ANTXR2: variants seen among roughly 807,000 people sequenced by gnomAD.
ANTXR2 encodes the protein ANTXR cell adhesion molecule 2.
ANTXR2 carries 44 observed loss-of-function variants against 73.7 expected under a neutral mutation model. The observed-to-expected ratio is 0.60, with a 90% confidence interval of 0.47 to 0.77. ANTXR2 has a LOEUF of 0.77. Among genes scored for constraint, ANTXR2 ranks in the 30% least tolerant of loss-of-function variants. The probability of loss-of-function intolerance (pLI) is 0.00; values close to 1 mark genes in which losing one functional copy is unlikely to be tolerated. For synonymous variants in ANTXR2, 217 were observed against 205.9 expected, an observed-to-expected ratio of 1.05 and a Z score of -0.46; for missense variants, 604 against 592.5, an observed-to-expected ratio of 1.02 and a Z score of -0.20.
chr4:80,018,796 T>C (rs1427965706), intron 11 of ANTXR2, 102 bp downstream of exon 11: 2 of 953,026 alleles, frequency 2.1e-6, no homozygotes, highest in East Asian at 3.2e-5. Context: ...TGTTATTGTT[T>C]GCATCTCCTT....
At chr4:80,028,548 T>C (rs1478344415) in intron 10 of ANTXR2, among the ~76,000 whole-genome samples, 1 of 152,182 alleles carries the variant, frequency 6.6e-6, no homozygotes, top group Non-Finnish European at 1.5e-5. Context: ...TTTGAGGCTC[T>C]CTGTCTAGGG....
intron 3 of ANTXR2, among the ~76,000 whole-genome samples, chr4:80,067,712 A>G (rs1734572723): frequency 1.3e-5 from 2 of 152,192 alleles, no homozygotes; most frequent in Admixed American, 6.5e-5. Flanking sequence ...CACACAAGAA[A>G]GTAAGGAGGG....
At chr4:80,049,091 T>C (rs1733653555) in intron 7 of ANTXR2, among the ~76,000 whole-genome samples, 1 of 150,448 alleles carries the variant, frequency 6.6e-6, no homozygotes. Flanking sequence ...ACAACTGATT[T>C]ATTTCTTTCT....
At chr4:80,007,783 T>G (rs1186889858) in intron 12 of ANTXR2, among the ~76,000 whole-genome samples, 1 of 152,198 alleles carries the variant, frequency 6.6e-6, no homozygotes, top group Non-Finnish European at 1.5e-5. Context: ...GAATGGCTTC[T>G]TCCTTAGAGC....
rs559655328 is a variant in ANTXR2, at chr4:79,945,887, A to T, written c.1428+31734T>A. On this transcript the variant is annotated intron_variant, in intron 16 of 16. Transcript: ENST00000403729. ...GAATAATGGTCCTAAATTTTTTTTTAAAAAAGCTGAAAGCAGAGAAAGTAA... is the reference window on the plus strand; with the variant it reads ...GAATAATGGTCCTAAATTTTTTTTTTAAAAAGCTGAAAGCAGAGAAAGTAA... 6.6e-5 allele frequency among the ~76,000 whole-genome samples: 10 copies of T among 152,178 alleles called. No homozygotes were observed. In the East Asian group the frequency reaches 1.2e-3, roughly 18 times the overall value.
intron 7 of ANTXR2, among the ~76,000 whole-genome samples, chr4:80,044,435 T>G (rs1733420642): frequency 6.6e-6 from 1 of 151,992 alleles, no homozygotes; most frequent in South Asian, 2.1e-4. Flanking sequence ...GGCCTTTTCT[T>G]CTGGTATTTA....
chr4:79,910,220 C>CAT (rs1727068869), intron 16 of ANTXR2, among the ~76,000 whole-genome samples: 1 of 152,204 alleles, frequency 6.6e-6, no homozygotes, highest in Admixed American at 6.5e-5. Context: ...AATAAAAACA[C>CAT]ATATTGTTGG....
chr4:79,927,243 C>G (rs920226823), intron 16 of ANTXR2, among the ~76,000 whole-genome samples: 1 of 151,304 alleles, frequency 6.6e-6, no homozygotes, highest in Non-Finnish European at 1.5e-5. Flanking sequence ...TACAAAAATA[C>G]TGTATCATAT....
At chr4:79,920,757 G>C (rs1038418142) in intron 16 of ANTXR2, among the ~76,000 whole-genome samples, 32 of 152,076 alleles carry the variant, frequency 2.1e-4, no homozygotes, top group African/African-American at 7.5e-4. Context: ...TTTTTCTAAA[G>C]CACATTACTA....
At chr4:79,995,293 A>G (rs190432135) in intron 12 of ANTXR2, among the ~76,000 whole-genome samples, 17 of 152,148 alleles carry the variant, frequency 1.1e-4, no homozygotes, top group Non-Finnish European at 2.2e-4. Context: ...TACTAAAAAT[A>G]TACTGAAAGT....
chr4:79,961,643 T>C (rs1161937915), intron 16 of ANTXR2, among the ~76,000 whole-genome samples: 1 of 152,112 alleles, frequency 6.6e-6, no homozygotes. Context: ...TCTCCCTATG[T>C]TGCCCAGGCT....
In ANTXR2 at chr4:80,018,994, C is replaced by T; in HGVS notation, c.867-18G>A. 1 of 1,434,924 alleles carries T rather than the reference C, an allele frequency of 7.0e-7. No individual in the cohort carries two copies. Among genetic ancestry groups the T allele is most frequent in the East Asian group, 2.8e-5 (1 of 35,744 alleles). The allele number at this position is 1,434,924 out of a possible 1,614,324, so 88.9% of individuals were successfully genotyped here. A position where few individuals can be genotyped will look rare whatever the true frequency, so the allele number is the denominator to read the frequency against. On this transcript the variant is annotated intron_variant, in intron 10 of 16. Coordinates refer to ENST00000403729, the MANE Select transcript of ANTXR2 (RefSeq NM_058172.6). ...CAAGAGTTCTGAAAAAGAAAAGAAA[C>T]AATAATTTTATATACATTTAAAACC...
At position 79,905,377 on chromosome 4, in the gene ANTXR2, A is replaced by T. The variant is rs527711894; in HGVS notation, c.*2052T>A. 97 of 152,318 alleles carry T rather than the reference A, an allele frequency of 6.4e-4. No individual in the cohort carries two copies. Among genetic ancestry groups the T allele is most frequent in the African/African-American group, 2.3e-3 (95 of 41,582 alleles). The allele number at this position is 152,318 out of a possible 1,614,324, so 9.4% of individuals were successfully genotyped here. A position where few individuals can be genotyped will look rare whatever the true frequency, so the allele number is the denominator to read the frequency against. On this transcript the variant is annotated 3_prime_UTR_variant, in exon 17 of 17. Coordinates refer to ENST00000403729, the MANE Select transcript of ANTXR2 (RefSeq NM_058172.6). ...AAAGGGATACAATAACTCATTGCAG[A>T]AAGGGTTGGGTATACTATATCAGGC...
chr4:79,945,532 T>C (rs983672166), intron 16 of ANTXR2, among the ~76,000 whole-genome samples: 1 of 152,166 alleles, frequency 6.6e-6, no homozygotes, highest in Admixed American at 6.6e-5. Context: ...AGGGAGTTTA[T>C]ATAACATAAA....
rs1023245951 is a variant in ANTXR2, at chr4:79,904,258, A to G, written c.*3171T>C. On this transcript the variant is annotated 3_prime_UTR_variant, in exon 17 of 17. Transcript: ENST00000403729. ...AAATATTGAATAATTTATTATTTAAATGGTTAGAATAAAGTTCAAGGGAAA... is the reference window on the plus strand; with the variant it reads ...AAATATTGAATAATTTATTATTTAAGTGGTTAGAATAAAGTTCAAGGGAAA... The G allele has an allele frequency of 1.3e-5, 2 of 152,106 alleles. No individual in the cohort carries two copies. The highest frequency in any genetic ancestry group is 4.8e-5 in the African/African-American group (2 of 41,456). The allele number at this position is 152,106 out of a possible 1,614,324, so 9.4% of individuals were successfully genotyped here. A position where few individuals can be genotyped will look rare whatever the true frequency, so the allele number is the denominator to read the frequency against.
intron 16 of ANTXR2, among the ~76,000 whole-genome samples, chr4:79,953,752 G>A (rs777216556): frequency 1.3e-5 from 2 of 151,532 alleles, no homozygotes; most frequent in Non-Finnish European, 2.9e-5. Flanking sequence ...TTGGCCTCTG[G>A]ACAATATCTG....
Position 79,906,284 on chromosome 4 carries a change from A to C in ANTXR2, c.*1145T>G, listed in dbSNP as rs974402411. On this transcript the variant is annotated 3_prime_UTR_variant, in exon 17 of 17. Coordinates refer to ENST00000403729, the MANE Select transcript of ANTXR2 (RefSeq NM_058172.6). The stretch of plus-strand genomic sequence containing the variant: ...TTTTTCCTCTACTGAATCATAACCA[A>C]GGTAGAGTGCCCCTCAAAATCCAAG... 6.6e-6 allele frequency: 1 copy of C among 152,630 alleles called. No individual in the cohort carries two copies. Among genetic ancestry groups the C allele is most frequent in the Non-Finnish European group, 1.5e-5 (1 of 68,040 alleles). The allele number at this position is 152,630 out of a possible 1,614,324, so 9.5% of individuals were successfully genotyped here. A position where few individuals can be genotyped will look rare whatever the true frequency, so the allele number is the denominator to read the frequency against.
chr4:80,043,160 A>T (rs1165707459), intron 7 of ANTXR2, among the ~76,000 whole-genome samples: 1 of 152,048 alleles, frequency 6.6e-6, no homozygotes, highest in Admixed American at 6.6e-5. Context: ...GAAGCAAAAT[A>T]TTCATGTAAC....
chr4:80,011,078 C>T (rs766248496), intron 11 of ANTXR2, among the ~76,000 whole-genome samples: 25 of 151,748 alleles, frequency 1.6e-4, no homozygotes, highest in Admixed American at 3.3e-4. Flanking sequence ...ATCTGGGAGG[C>T]GGAGGTTGCA....
Sources: allele counts gnomAD v4.1 joint callset (sites outside exome capture counted in the v4.1 genomes callset), GRCh38; gene constraint gnomAD v4.1.1; transcripts MANE v1.5; gene names NCBI Gene and HGNC (gene_info 2026-07-23, HGNC 2026-07-21).